DOCK2: variants seen among roughly 807,000 people sequenced by gnomAD.
DOCK2 encodes dedicator of cytokinesis 2.
A neutral mutation model predicts 248.9 loss-of-function variants in DOCK2; 87 were observed. The observed-to-expected ratio is 0.35, with a 90% CI of 0.29 to 0.42. The LOEUF (loss-of-function observed/expected upper bound fraction) is 0.42, where lower values mean the gene tolerates loss of function less well. Among genes scored for constraint, DOCK2 ranks in the 10% least tolerant of loss-of-function variants. DOCK2 has a pLI of 1.00. For missense variants in DOCK2, 1,747 were observed against 2,300.2 expected (o/e 0.76, Z 4.92); for synonymous variants, 805 against 821.6 (o/e 0.98, Z 0.35).
chr5:169,850,398 T>C (rs1300902551), intron 27 of DOCK2, among the ~76,000 whole-genome samples: 7 of 152,208 alleles, frequency 4.6e-5, no homozygotes, highest in Non-Finnish European at 7.3e-5. Flanking sequence ...GAACTTGTTT[T>C]CCTGAGGTAA....
At chr5:169,690,525 T>A (rs1272569498) in intron 9 of DOCK2, among the ~76,000 whole-genome samples, 1 of 152,230 alleles carries the variant, frequency 6.6e-6, no homozygotes, top group Non-Finnish European at 1.5e-5. Context: ...GCCAGAGGCA[T>A]GGAATGGGAT....
chr5:169,764,223 G>T lies in DOCK2; in HGVS notation c.2554+2598G>T, dbSNP rs369278335. ...CTGCCAGATGTGCAAATTGCCTGGA[G>T]TATTTTCAGTGACAGTTGCTTGTAC... On this transcript the variant is annotated intron_variant, in intron 25 of 51. Coordinates refer to ENST00000520908, the MANE Select transcript of DOCK2 (RefSeq NM_004946.3). The surrounding 1 kb of genome is among the most constrained non-coding windows in gnomAD (Gnocchi z 4.3). 2.6e-5 allele frequency among the ~76,000 whole-genome samples: 4 copies of T among 152,290 alleles called. No individual in the cohort carries two copies. The East Asian group carries it at 7.7e-4, about 29-fold the overall frequency.
chr5:169,795,228 A>G (rs1384471713), intron 25 of DOCK2, among the ~76,000 whole-genome samples: 2 of 152,214 alleles, frequency 1.3e-5, no homozygotes, highest in African/African-American at 4.8e-5. Context: ...TATCTAGTAT[A>G]AAGTTCTGGA....
chr5:169,730,423 A>C (rs1219332614), intron 22 of DOCK2, among the ~76,000 whole-genome samples: 2 of 152,146 alleles, frequency 1.3e-5, no homozygotes, highest in Non-Finnish European at 2.9e-5. Flanking sequence ...ATAGGGGAGA[A>C]CAGGAGAAAG....
chr5:169,656,036 C>T (rs765312655), intron 2 of DOCK2, among the ~76,000 whole-genome samples: 2 of 152,156 alleles, frequency 1.3e-5, no homozygotes, highest in Non-Finnish European at 2.9e-5. Context: ...GGGGTGGAGA[C>T]GCTGTCCTAG....
chr5:170,081,686 C>G (rs771100526), intron 50 of DOCK2, 156 bp from the exon 51 acceptor site: 1 of 815,134 alleles, frequency 1.2e-6, no homozygotes, highest in African/African-American at 1.7e-5. Flanking sequence ...TCCCCTGGCA[C>G]GGCAGGAAAT....
intron 27 of DOCK2, among the ~76,000 whole-genome samples, chr5:169,911,176 C>T (rs1223470706): frequency 1.3e-5 from 2 of 152,068 alleles, no homozygotes; most frequent in Non-Finnish European, 2.9e-5. Flanking sequence ...GGCCCCTAGT[C>T]GGCCAGTTGA....
chr5:170,007,815 A>T (rs1755102975), intron 30 of DOCK2, among the ~76,000 whole-genome samples: 1 of 152,190 alleles, frequency 6.6e-6, no homozygotes, highest in South Asian at 2.1e-4. Context: ...TGAAACATGC[A>T]TCAGAATCAC....
At chr5:170,057,774 A>G in intron 44 of DOCK2, 108 bp downstream of exon 44, 1 of 992,578 alleles carries the variant, frequency 1.0e-6, no homozygotes, top group East Asian at 2.8e-5. Context: ...TTTTCTTTGA[A>G]GCTGCTGTGT....
At chr5:170,029,935 C>T (rs1240658422) in intron 34 of DOCK2, among the ~76,000 whole-genome samples, 1 of 152,238 alleles carries the variant, frequency 6.6e-6, no homozygotes, top group Non-Finnish European at 1.5e-5. Flanking sequence ...TTCCTGTCAC[C>T]ATGCATGGCC....
intron 27 of DOCK2, among the ~76,000 whole-genome samples, chr5:169,897,861 C>T (rs977584242): frequency 1.3e-5 from 2 of 152,180 alleles, no homozygotes; most frequent in Non-Finnish European, 2.9e-5. Flanking sequence ...GAGGAGTGGA[C>T]TCTCAAAAGA....
intron 34 of DOCK2, among the ~76,000 whole-genome samples, chr5:170,033,662 C>G (rs1314322408): frequency 6.6e-6 from 1 of 152,210 alleles, no homozygotes; most frequent in Non-Finnish European, 1.5e-5. Flanking sequence ...CTTCGTTTCC[C>G]TATCTACAAA....
chr5:169,849,880 C>T lies in DOCK2; in HGVS notation c.2799+9028C>T, dbSNP rs531952660. Among the ~76,000 whole-genome samples the T allele has an allele frequency of 5.9e-5, 9 of 152,370 alleles. No homozygotes were observed. In the East Asian group the frequency reaches 1.5e-3, roughly 26 times the overall value. ...ATCGCTAGCCTGAGTCTAGCCACAA[C>T]CACCTCTTACGGTTGTCCTTGGCCT... On this transcript the variant is annotated intron_variant, in intron 27 of 51. Transcript: ENST00000520908.
intron 27 of DOCK2, among the ~76,000 whole-genome samples, chr5:169,950,676 G>A (rs913286110): frequency 3.3e-5 from 5 of 152,174 alleles, no homozygotes; most frequent in African/African-American, 1.2e-4. Context: ...GTCCAATGTT[G>A]TGTTCCTCTG....
chr5:169,904,725 G>A (rs948924215), intron 27 of DOCK2, among the ~76,000 whole-genome samples: 7 of 152,292 alleles, frequency 4.6e-5, no homozygotes, highest in Non-Finnish European at 7.4e-5. Flanking sequence ...TCAGCTCAGC[G>A]AGCATTAACT....
chr5:169,798,513 T>C (rs1032070219), intron 25 of DOCK2, among the ~76,000 whole-genome samples: 2 of 152,240 alleles, frequency 1.3e-5, no homozygotes, highest in African/African-American at 4.8e-5. Flanking sequence ...ATGGGATTTA[T>C]GTGCGGTATC....
chr5:169,931,320 C>T (rs1775740419), intron 27 of DOCK2, among the ~76,000 whole-genome samples: 1 of 152,212 alleles, frequency 6.6e-6, no homozygotes, highest in Non-Finnish European at 1.5e-5. Context: ...TTACTTCCAA[C>T]AGTGGGTCAG....
intron 25 of DOCK2, among the ~76,000 whole-genome samples, chr5:169,795,264 C>T (rs1021349853): frequency 2.0e-5 from 3 of 152,056 alleles, no homozygotes; most frequent in African/African-American, 4.8e-5. Context: ...AAGGATTTAC[C>T]GCCTAACTAT....
At chr5:170,015,786 C>G (rs1755509069) in intron 32 of DOCK2, among the ~76,000 whole-genome samples, 1 of 151,578 alleles carries the variant, frequency 6.6e-6, no homozygotes, top group Admixed American at 6.6e-5. Flanking sequence ...AAAAGCCTCC[C>G]TCCCTCCCTC....
Sources: gnomAD v4.1 joint callset for allele counts (sites outside exome capture counted in the v4.1 genomes callset) on GRCh38, gnomAD v4.1.1 for gene constraint, Gnocchi (gnomAD v3.1) non-coding constraint, MANE v1.5 for transcripts, NCBI Gene and HGNC (gene_info 2026-07-23, HGNC 2026-07-21) for gene names.